SLC9C2: variants seen among roughly 807,000 people sequenced by gnomAD.
SLC9C2 encodes the protein solute carrier family 9 member C2 (putative), also known as sodium/hydrogen exchanger 11.
Under a neutral mutation model 140.2 loss-of-function variants are expected in SLC9C2, and 75 were observed. The observed-to-expected ratio is 0.53, with a 90% CI of 0.44 to 0.65. The LOEUF is 0.65. Among genes scored for constraint, SLC9C2 ranks in the 30% least tolerant of loss-of-function variants. The probability of loss-of-function intolerance (pLI) is 0.00; values close to 1 mark genes in which losing one functional copy is unlikely to be tolerated. For missense variants in SLC9C2, 1,074 were observed against 1,331.8 expected (o/e 0.81, Z 3.01); for synonymous variants, 375 against 420.9 (o/e 0.89, Z 1.34).
chr1:173,562,391 T>C (rs1664176228), intron 9 of SLC9C2, among the ~76,000 whole-genome samples: 1 of 152,244 alleles, frequency 6.6e-6, no homozygotes, highest in Admixed American at 6.5e-5. Context: ...GCTTTCAGTC[T>C]ACCTTAAAAG....
At chr1:173,588,295 GC>G (rs1665973271) in intron 4 of SLC9C2, among the ~76,000 whole-genome samples, 1 of 152,094 alleles carries the variant, frequency 6.6e-6, no homozygotes, top group South Asian at 2.1e-4. Flanking sequence ...GAAAGGGAAG[GC>G]CATGAAATGC....
In SLC9C2 at chr1:173,534,641, G is replaced by A; in HGVS notation, c.1817C>T (p.Ser606Phe). The A allele has an allele frequency of 6.5e-7, 1 of 1,544,364 alleles. No individual in the cohort carries two copies. Among genetic ancestry groups the A allele is most frequent in the Non-Finnish European group, 8.7e-7 (1 of 1,147,270 alleles). ...FLTFIFHIVFSEEFEYTGQII... is the reference protein window; with the variant it reads ...FLTFIFHIVFFEEFEYTGQII... ...CTGTCCTGTATATTCAAATTCTTCA[G>A]AAAATACTATGTGAAATATAAAAGT... The change falls in exon 16 of 28, where the codon TCT becomes TTT. Residue 606 changes from serine (S) to phenylalanine (F), a missense_variant. By Grantham distance (155) the Ser-to-Phe change is radical (BLOSUM62 -2). Coordinates refer to ENST00000367714, the MANE Select transcript of SLC9C2 (RefSeq NM_178527.4).
At chr1:173,555,211 A>T (rs1230363125) in intron 10 of SLC9C2, 1 of 167,608 alleles carries the variant, frequency 6.0e-6, no homozygotes, top group African/African-American at 2.4e-5. Flanking sequence ...TGGGCCACAG[A>T]GGGATGTGTG....
At chr1:173,547,906 T>A in intron 12 of SLC9C2, 122 bp from the exon 13 acceptor site, 1 of 693,440 alleles carries the variant, frequency 1.4e-6, no homozygotes, top group African/African-American at 1.8e-5. Flanking sequence ...GCAGAATTGC[T>A]AGAATGAAGA....
chr1:173,534,650 A>G lies in SLC9C2; in HGVS notation c.1808T>C (p.Ile603Thr), dbSNP rs768436363. Residue 603 changes from isoleucine (I) to threonine (T), a missense_variant, in exon 16 of 28, where the codon ATA becomes ACA. Physicochemically the swap from Ile to Thr is moderately conservative, Grantham distance 89. Coordinates refer to ENST00000367714, the MANE Select transcript of SLC9C2 (RefSeq NM_178527.4). ...ATATTCAAATTCTTCAGAAAATACT[A>G]TGTGAAATATAAAAGTCAGAAATGT... is the stretch of plus-strand genomic sequence containing the variant. ...SNTFLTFIFHIVFSEEFEYTG... is the reference protein window; with the variant it reads ...SNTFLTFIFHTVFSEEFEYTG... The G allele has an allele frequency of 1.3e-6, 2 of 1,539,516 alleles. No individual in the cohort carries two copies. The highest frequency in any genetic ancestry group is 8.7e-7 in the Non-Finnish European group (1 of 1,143,828).
intron 4 of SLC9C2, among the ~76,000 whole-genome samples, chr1:173,597,190 G>A (rs1571642703): frequency 6.6e-6 from 1 of 151,862 alleles, no homozygotes; most frequent in East Asian, 1.9e-4. Context: ...TATAAAACAT[G>A]TTCTCTGATC....
At chr1:173,542,830 CAAT>C (rs1233936417) in intron 13 of SLC9C2, among the ~76,000 whole-genome samples, 1 of 152,162 alleles carries the variant, frequency 6.6e-6, no homozygotes, top group Non-Finnish European at 1.5e-5. Flanking sequence ...TAAAAACTCT[CAAT>C]AAACTAGGTA....
At chr1:173,523,639 C>T (rs1660986391) in intron 21 of SLC9C2, among the ~76,000 whole-genome samples, 1 of 152,224 alleles carries the variant, frequency 6.6e-6, no homozygotes, top group East Asian at 1.9e-4. Context: ...TGTGCAGTAA[C>T]TTAAATTTGA....
At position 173,506,928 on chromosome 1, in the gene SLC9C2, A is replaced by G. The variant is rs1318774378; in HGVS notation, c.3153T>C (p.Tyr1051=). The part of the protein sequence containing the change: ...NMTMKFVIIV[Y]GSVIDTKTEE... The stretch of plus-strand genomic sequence containing the variant: ...CTGTCTTAGTATCAATTACACTGCC[A>G]TACACAATGATAACAAATTTCATGG... Residue 1051 remains tyrosine (Y), a synonymous_variant, in exon 25 of 28, where the codon TAT becomes TAC. Coordinates refer to ENST00000367714, the MANE Select transcript of SLC9C2 (RefSeq NM_178527.4). The G allele has an allele frequency of 3.7e-6, 6 of 1,613,782 alleles. No individual in the cohort carries two copies. Among genetic ancestry groups the G allele is most frequent in the Non-Finnish European group, 5.1e-6 (6 of 1,179,884 alleles).
At chr1:173,524,202 T>C (rs1661032615) in intron 20 of SLC9C2, 108 bp from the exon 21 acceptor site, 5 of 1,066,148 alleles carry the variant, frequency 4.7e-6, no homozygotes, top group Non-Finnish European at 6.6e-6. Context: ...AAGTTTAACC[T>C]TGATTGTTGA....
At chr1:173,599,691 T>G (rs1666667671) in intron 3 of SLC9C2, among the ~76,000 whole-genome samples, 1 of 151,850 alleles carries the variant, frequency 6.6e-6, no homozygotes, top group African/African-American at 2.4e-5. Flanking sequence ...GCAACCTCCA[T>G]CTCCTCCGTT....
chr1:173,511,577 T>C (rs759198762), intron 23 of SLC9C2, among the ~76,000 whole-genome samples: 1 of 152,338 alleles, frequency 6.6e-6, no homozygotes, highest in Non-Finnish European at 1.5e-5. Context: ...GATGGGTAGA[T>C]TGCAATAACT....
intron 7 of SLC9C2, among the ~76,000 whole-genome samples, chr1:173,577,805 T>G (rs1191179113): frequency 6.6e-6 from 1 of 152,198 alleles, no homozygotes; most frequent in Non-Finnish European, 1.5e-5. Flanking sequence ...AATTAATAGT[T>G]TATTAATTTA....
chr1:173,561,988 G>C (rs553832042), intron 9 of SLC9C2, among the ~76,000 whole-genome samples: 24 of 152,262 alleles, frequency 1.6e-4, no homozygotes, highest in Non-Finnish European at 2.9e-4. Context: ...CCAGGATCCA[G>C]CTCACAGCTA....
intron 17 of SLC9C2, 92 bp from the exon 18 acceptor site, chr1:173,530,146 C>A (rs1482248298): frequency 2.6e-6 from 3 of 1,153,060 alleles, no homozygotes; most frequent in Non-Finnish European, 3.6e-6. Flanking sequence ...CATCTCCAGA[C>A]CAGCAACAGC....
chr1:173,584,505 T>C (rs1292090664), intron 5 of SLC9C2, among the ~76,000 whole-genome samples: 2 of 152,214 alleles, frequency 1.3e-5, no homozygotes, highest in African/African-American at 4.8e-5. Flanking sequence ...TCAAAAGATA[T>C]TTTCACTGAG....
At chr1:173,561,522 C>T (rs796715431) in intron 9 of SLC9C2, among the ~76,000 whole-genome samples, 1 of 152,154 alleles carries the variant, frequency 6.6e-6, no homozygotes, top group South Asian at 2.1e-4. Flanking sequence ...CTGTTCTACC[C>T]TTAGTTCCAG....
At chr1:173,572,778 G>A (rs531254600) in intron 9 of SLC9C2, among the ~76,000 whole-genome samples, 5 of 152,296 alleles carry the variant, frequency 3.3e-5, no homozygotes, top group South Asian at 4.1e-4. Flanking sequence ...AGCTATTGAC[G>A]ATAATAAATT....
chr1:173,514,656 T>G (rs569221426), intron 23 of SLC9C2, among the ~76,000 whole-genome samples: 1 of 152,230 alleles, frequency 6.6e-6, no homozygotes, highest in Non-Finnish European at 1.5e-5. Context: ...AGGTTAATAT[T>G]GTTATGTGTG....
Sources: allele counts gnomAD v4.1 joint callset (sites outside exome capture counted in the v4.1 genomes callset), GRCh38; gene constraint gnomAD v4.1.1; transcripts MANE v1.5; gene names NCBI Gene and HGNC (gene_info 2026-07-23, HGNC 2026-07-21).